The following OPCML variants were observed in gnomAD, a reference collection of about 807,000 sequenced individuals.
OPCML encodes opioid binding protein/cell adhesion molecule like.
Under a neutral mutation model 37.8 loss-of-function variants are expected in OPCML, and 13 were observed. That is an observed-to-expected ratio of 0.34 (90% CI 0.22 to 0.55). The LOEUF (loss-of-function observed/expected upper bound fraction) is 0.55. OPCML is among the 20% of genes least tolerant of loss of function. The pLI is 0.91. For synonymous variants in OPCML, 176 were observed against 168.8 expected, an observed-to-expected ratio of 1.04 and a Z score of -0.33; for missense variants, 341 against 435.6, an observed-to-expected ratio of 0.78 and a Z score of 1.93.
At chr11:132,965,367 G>A (rs570789552) in intron 1 of OPCML, among the ~76,000 whole-genome samples, 112 of 152,130 alleles carry the variant, frequency 7.4e-4, no homozygotes, top group Non-Finnish European at 1.2e-3. Context: ...TTTGTGTCGG[G>A]GGGAGATGTT....
intron 2 of OPCML, among the ~76,000 whole-genome samples, chr11:132,744,622 T>C (rs764823240): frequency 6.6e-6 from 1 of 152,230 alleles, no homozygotes; most frequent in Non-Finnish European, 1.5e-5. Context: ...GCATTGAGCA[T>C]GTGTTATGCA....
At chr11:132,453,367 G>A (rs918524833) in intron 4 of OPCML, among the ~76,000 whole-genome samples, 2 of 152,138 alleles carry the variant, frequency 1.3e-5, no homozygotes, top group Non-Finnish European at 2.9e-5. Context: ...ATGTAAATGC[G>A]TATTGAATCG....
chr11:132,628,533 C>A lies in OPCML; in HGVS notation c.379+28554G>T, dbSNP rs184199017. On this transcript the variant is annotated intron_variant, in intron 3 of 7. Transcript: ENST00000524381. ...AAGGACTCACCTGTAAGTGAATTAACCTTCTATATGCAAAGGAACCAATCT... is the reference window on the plus strand; with the variant it reads ...AAGGACTCACCTGTAAGTGAATTAAACTTCTATATGCAAAGGAACCAATCT... Among the ~76,000 whole-genome samples the A allele has an allele frequency of 1.5e-4, 23 of 152,210 alleles. No homozygotes were observed. In the East Asian group the frequency reaches 3.7e-3, roughly 24 times the overall value.
At chr11:133,346,884 G>T (rs573117058) in intron 1 of OPCML, among the ~76,000 whole-genome samples, 31 of 152,184 alleles carry the variant, frequency 2.0e-4, no homozygotes, top group African/African-American at 7.0e-4. Flanking sequence ...GTTTTTTGTT[G>T]TTTTGTTTTG....
At chr11:132,782,320 C>T (rs1464246773) in intron 2 of OPCML, among the ~76,000 whole-genome samples, 2 of 151,986 alleles carry the variant, frequency 1.3e-5, no homozygotes, top group Admixed American at 6.6e-5. Context: ...CAGGCCAGTG[C>T]ATGGCCCTGG....
At chr11:133,202,769 A>T (rs1938855365) in intron 1 of OPCML, among the ~76,000 whole-genome samples, 1 of 152,164 alleles carries the variant, frequency 6.6e-6, no homozygotes, top group Non-Finnish European at 1.5e-5. Flanking sequence ...CAGCCAAGGG[A>T]TCCTGCCAGG....
At chr11:133,313,449 T>C (rs565989103) in intron 1 of OPCML, among the ~76,000 whole-genome samples, 1 of 152,362 alleles carries the variant, frequency 6.6e-6, no homozygotes, top group South Asian at 2.1e-4. Flanking sequence ...AATGCATTAC[T>C]TTACATGGCA....
intron 4 of OPCML, among the ~76,000 whole-genome samples, chr11:132,441,168 T>TTTTTTTTTTTTTTTTTTTTTG (rs2096032283): frequency 2.7e-5 from 3 of 112,674 alleles, no homozygotes; most frequent in Admixed American, 8.8e-5. Context: ...CTTTTTTGTT[T>TTTTTTTTTTTTTTTTTTTTTG]TTTTTTTTTT....
intron 1 of OPCML, among the ~76,000 whole-genome samples, chr11:133,186,175 G>A (rs1161730052): frequency 7.2e-5 from 11 of 152,280 alleles, no homozygotes; most frequent in African/African-American, 2.4e-4. Flanking sequence ...CCCACTCTGA[G>A]GGAAGGCGAA....
intron 1 of OPCML, among the ~76,000 whole-genome samples, chr11:133,304,034 T>C (rs897295499): frequency 2.6e-5 from 4 of 152,216 alleles, no homozygotes; most frequent in Admixed American, 6.5e-5. Flanking sequence ...TGTCATATTT[T>C]TAACTGATAG....
At chr11:133,207,425 C>A (rs928911287) in intron 1 of OPCML, among the ~76,000 whole-genome samples, 1 of 152,170 alleles carries the variant, frequency 6.6e-6, no homozygotes, top group Non-Finnish European at 1.5e-5. Context: ...TCAGATGTTT[C>A]TCCAACTAAT....
chr11:133,338,242 T>C (rs1270991637), intron 1 of OPCML, among the ~76,000 whole-genome samples: 3 of 152,070 alleles, frequency 2.0e-5, no homozygotes, highest in Non-Finnish European at 4.4e-5. Context: ...TCAGAGGTGA[T>C]ATCAAAAACA....
intron 2 of OPCML, among the ~76,000 whole-genome samples, chr11:132,691,542 G>A (rs150989945): frequency 1.3e-3 from 202 of 152,286 alleles, no homozygotes; most frequent in African/African-American, 4.6e-3. Context: ...TAAAATGTAG[G>A]ATAAAAGATG....
At chr11:133,297,318 G>A (rs1331990322) in intron 1 of OPCML, 1 of 152,202 alleles carries the variant, frequency 6.6e-6, no homozygotes, top group African/African-American at 2.4e-5. Flanking sequence ...TTATCCACAA[G>A]CTCCAAGTAA....
intron 2 of OPCML, among the ~76,000 whole-genome samples, chr11:132,759,575 A>G (rs1253316060): frequency 3.3e-5 from 5 of 152,068 alleles, no homozygotes; most frequent in African/African-American, 1.2e-4. Flanking sequence ...TAGATTTTCT[A>G]GTTTATTTGT....
chr11:132,964,733 G>A (rs1219493926), intron 1 of OPCML, among the ~76,000 whole-genome samples: 2 of 152,276 alleles, frequency 1.3e-5, no homozygotes, highest in African/African-American at 2.4e-5. Context: ...CCCTCAGCAG[G>A]CACATGTGGA....
At chr11:133,128,787 G>T (rs1949559645) in intron 1 of OPCML, among the ~76,000 whole-genome samples, 1 of 152,136 alleles carries the variant, frequency 6.6e-6, no homozygotes, top group Non-Finnish European at 1.5e-5. Flanking sequence ...AGGAGAGGGA[G>T]AGCTGTTACT....
At chr11:133,350,847 A>G (rs1264702200) in intron 1 of OPCML, among the ~76,000 whole-genome samples, 4 of 152,212 alleles carry the variant, frequency 2.6e-5, no homozygotes, top group South Asian at 2.1e-4. Context: ...AACATTTCCA[A>G]CATATGATCA....
chr11:133,127,963 T>C (rs887580261), intron 1 of OPCML, among the ~76,000 whole-genome samples: 3 of 152,010 alleles, frequency 2.0e-5, no homozygotes, highest in Admixed American at 6.5e-5. Flanking sequence ...TGGAAGACAA[T>C]GTGGTTTTTA....
Sources: gnomAD v4.1 joint callset for allele counts (sites outside exome capture counted in the v4.1 genomes callset) on GRCh38, gnomAD v4.1.1 for gene constraint, MANE v1.5 for transcripts, NCBI Gene and HGNC (gene_info 2026-07-23, HGNC 2026-07-21) for gene names.